CLIC6: variants seen among roughly 807,000 people sequenced by gnomAD.
The protein encoded by CLIC6 is CLIC family member 6, also known as chloride intracellular channel protein 6.
Under a neutral mutation model 49.2 loss-of-function variants are expected in CLIC6, and 39 were observed. The ratio of observed to expected loss-of-function variants is 0.79; its 90% confidence interval spans 0.61 to 1.04. The LOEUF is 1.04. Among genes scored for constraint, CLIC6 ranks in the 50% least tolerant of loss-of-function variants. CLIC6 has a pLI of 0.00. For synonymous variants in CLIC6, 446 were observed against 433.4 expected (o/e 1.03, Z -0.36); for missense variants, 988 against 993.1 (o/e 0.99, Z 0.07).
In CLIC6 at chr21:34,708,691, CT is replaced by C; in HGVS notation, c.1611-5del. On this transcript the variant is annotated splice_region_variant and splice_polypyrimidine_tract_variant and intron_variant, in intron 3 of 5. Coordinates refer to ENST00000349499, the MANE Select transcript of CLIC6 (RefSeq NM_053277.3). ...TTGTCTGTGATCCTCCAATTTTGAA[CT>C]TTTCAAGGTATCCCAAGCTGGGGAC... 1 of 1,604,246 alleles carries C rather than the reference CT, an allele frequency of 6.2e-7. No individual in the cohort carries two copies. The highest frequency in any genetic ancestry group is 1.1e-5 in the South Asian group (1 of 90,816).
At chr21:34,704,490 C>A (rs1236617324) in intron 1 of CLIC6, among the ~76,000 whole-genome samples, 2 of 152,166 alleles carry the variant, frequency 1.3e-5, no homozygotes, top group African/African-American at 4.8e-5. Flanking sequence ...ATTCTAAATG[C>A]CTAACAGCCT....
chr21:34,703,293 A>C (rs2055992592), intron 1 of CLIC6, among the ~76,000 whole-genome samples: 1 of 152,210 alleles, frequency 6.6e-6, no homozygotes, highest in Non-Finnish European at 1.5e-5. Flanking sequence ...ACTTGATGGA[A>C]CGTGTTCACC....
intron 1 of CLIC6, among the ~76,000 whole-genome samples, chr21:34,693,427 G>A (rs968161286): frequency 1.3e-5 from 2 of 152,122 alleles, no homozygotes; most frequent in African/African-American, 2.4e-5. Context: ...GACCACTAGG[G>A]GGCACCAATG....
At chr21:34,707,712 G>A (rs1274710251) in intron 2 of CLIC6, among the ~76,000 whole-genome samples, 1 of 152,174 alleles carries the variant, frequency 6.6e-6, no homozygotes, top group African/African-American at 2.4e-5. Context: ...ACCTCTGTTT[G>A]TTGATATGCC....
At chr21:34,671,854 G>A (rs1006912058) in intron 1 of CLIC6, among the ~76,000 whole-genome samples, 2 of 152,170 alleles carry the variant, frequency 1.3e-5, no homozygotes, top group African/African-American at 4.8e-5. Context: ...AGGGGCTTGG[G>A]AAAGAAGGGG....
chr21:34,709,308 A>G (rs775770648), intron 4 of CLIC6, 49 bp from the exon 5 acceptor site: 29 of 1,531,816 alleles, frequency 1.9e-5, no homozygotes, highest in Non-Finnish European at 2.4e-5. Context: ...GTGAAAAGTG[A>G]CATGCACTTG....
intron 1 of CLIC6, among the ~76,000 whole-genome samples, chr21:34,705,503 C>T (rs1353209342): frequency 6.6e-6 from 1 of 152,118 alleles, no homozygotes; most frequent in Non-Finnish European, 1.5e-5. Flanking sequence ...CACCTTCCAC[C>T]CTTCAGGCTC....
At chr21:34,704,398 A>C (rs573173636) in intron 1 of CLIC6, among the ~76,000 whole-genome samples, 10 of 152,346 alleles carry the variant, frequency 6.6e-5, no homozygotes, top group Non-Finnish European at 7.4e-5. Context: ...CTGAGACAGA[A>C]AGGAATTTTT....
At chr21:34,682,873 G>A (rs546513063) in intron 1 of CLIC6, among the ~76,000 whole-genome samples, 213 of 134,330 alleles carry the variant, frequency 1.6e-3, no homozygotes, top group African/African-American at 5.5e-3. Context: ...GTGCGGTGGC[G>A]CGATCTCGGC....
intron 2 of CLIC6, 113 bp from the exon 3 acceptor site, chr21:34,707,830 CT>C: frequency 9.4e-7 from 1 of 1,066,350 alleles, no homozygotes; most frequent in South Asian, 1.5e-5. Flanking sequence ...CCACCATCTA[CT>C]TTGCAGTTCT....
At chr21:34,673,042 A>G (rs1043514282) in intron 1 of CLIC6, among the ~76,000 whole-genome samples, 9 of 152,206 alleles carry the variant, frequency 5.9e-5, no homozygotes, top group African/African-American at 2.2e-4. Context: ...AAATCCCTCT[A>G]GGTACGTAAT....
chr21:34,688,483 T>TA (rs1989926595), intron 1 of CLIC6, among the ~76,000 whole-genome samples: 1 of 152,238 alleles, frequency 6.6e-6, no homozygotes, highest in Non-Finnish European at 1.5e-5. Context: ...GCCTTACAGA[T>TA]AGTCTGCATA....
chr21:34,669,065 G>A lies in CLIC6; in HGVS notation c.-324G>A, dbSNP rs1459069124. On this transcript the variant is annotated 5_prime_UTR_variant, in exon 1 of 6. Transcript: ENST00000349499. ...GAGCGAAGCAGCCCTCTCCAGCCGT[G>A]CACTGCACCTCCGCGGCCCGCGGGC... Among the ~76,000 whole-genome samples, 1 of 152,212 alleles carries A rather than the reference G, an allele frequency of 6.6e-6. No individual in the cohort carries two copies.
intron 1 of CLIC6, among the ~76,000 whole-genome samples, chr21:34,673,740 TAAAC>T (rs757933970): frequency 9.9e-5 from 15 of 152,132 alleles, no homozygotes; most frequent in South Asian, 4.1e-4. Flanking sequence ...AAAACAAAAC[TAAAC>T]AAACAAACAA....
At position 34,686,988 on chromosome 21, in the gene CLIC6, C is replaced by T. The variant is rs150339742; in HGVS notation, c.1374+16226C>T. ...TCGCCCAGGCAAACCTCGCTCAAATCCTTCACTCACAAAATCATGAGATAC... is the reference window on the plus strand; with the variant it reads ...TCGCCCAGGCAAACCTCGCTCAAATTCTTCACTCACAAAATCATGAGATAC... On this transcript the variant is annotated intron_variant, in intron 1 of 5. Coordinates refer to ENST00000349499, the MANE Select transcript of CLIC6 (RefSeq NM_053277.3). Among the ~76,000 whole-genome samples the T allele has an allele frequency of 2.0e-3, 305 of 152,326 alleles. 1 individual carries two copies. The highest frequency in any genetic ancestry group is 7.0e-3 in the African/African-American group (293 of 41,574).
intron 1 of CLIC6, among the ~76,000 whole-genome samples, chr21:34,703,804 G>A (rs2055995724): frequency 6.6e-6 from 1 of 152,138 alleles, no homozygotes; most frequent in African/African-American, 2.4e-5. Context: ...AGATGACGAG[G>A]CTGGTATCCC....
rs1445413240 is a variant in CLIC6 at position 34,670,744 on chromosome 21, C to T, written c.1356C>T (p.Asp452=). 1.6e-5 allele frequency: 25 copies of T among 1,600,302 alleles called. No individual in the cohort carries two copies. Among genetic ancestry groups the T allele is most frequent in the East Asian group, 9.0e-5 (4 of 44,640 alleles). ...CCCGGGCCCTGGGGCAGGAGCACGA[C>T]ATCACCCTCTTCGTCAAGGTAAAGC... is the stretch of plus-strand genomic sequence containing the variant. ...SEPRALGQEH[D]ITLFVKAGYD... The change falls in exon 1 of 6, where the codon GAC becomes GAT. Residue 452 remains aspartate, a synonymous_variant. Coordinates refer to ENST00000349499, the MANE Select transcript of CLIC6 (RefSeq NM_053277.3).
At chr21:34,681,163 CG>C (rs1224527978) in intron 1 of CLIC6, among the ~76,000 whole-genome samples, 1 of 152,202 alleles carries the variant, frequency 6.6e-6, no homozygotes, top group Non-Finnish European at 1.5e-5. Flanking sequence ...AACTTGCAAT[CG>C]TGGCAGAAGG....
rs1286502516 is a variant in CLIC6 at position 34,669,610 on chromosome 21, G to C, written c.222G>C (p.Arg74=). ...GPDRGPEAEA[R]GTRGAHGETE... ...ACAGGGGCCCGGAGGCCGAGGCGCG[G>C]GGCACGAGGGGGGCGCACGGCGAGA... is the stretch of plus-strand genomic sequence containing the variant. The change falls in exon 1 of 6, where the codon CGG becomes CGC. Residue 74 remains arginine (R), a synonymous_variant. Coordinates refer to ENST00000349499, the MANE Select transcript of CLIC6 (RefSeq NM_053277.3). 1.6e-6 allele frequency: 2 copies of C among 1,276,156 alleles called. No homozygotes were observed. The highest frequency in any genetic ancestry group is 8.4e-5 in the Admixed American group (2 of 23,864). 79.1% of individuals were successfully genotyped at this position (1,276,156 alleles called of 1,614,324 possible). A position where few individuals can be genotyped will look rare whatever the true frequency, so the allele number is the denominator to read the frequency against.
Sources: allele counts gnomAD v4.1 joint callset (sites outside exome capture counted in the v4.1 genomes callset), GRCh38; gene constraint gnomAD v4.1.1; transcripts MANE v1.5; gene names NCBI Gene and HGNC (gene_info 2026-07-23, HGNC 2026-07-21).